The following HAVCR1 variants were observed in gnomAD, a reference collection of about 807,000 sequenced individuals.
HAVCR1 encodes the protein hepatitis A virus cellular receptor 1, also known as T cell immunoglobin domain and mucin domain protein 1.
A neutral mutation model predicts 32.0 loss-of-function variants in HAVCR1; 34 were observed. The ratio of observed to expected loss-of-function variants is 1.06; its 90% CI spans 0.81 to 1.42. HAVCR1 has a LOEUF of 1.42. HAVCR1 is among the 40% of genes most tolerant of loss of function. The pLI is 0.00. For missense variants in HAVCR1, 420 were observed against 442.3 expected (o/e 0.95, Z 0.45); for synonymous variants, 178 against 170.3 (o/e 1.05, Z -0.35).
the HAVCR1 span, among the ~76,000 whole-genome samples, chr5:157,065,550 C>T: frequency 1.3e-5 from 2 of 152,202 alleles, no homozygotes; most frequent in Admixed American, 1.3e-4. Context: ...GAAACACCAT[C>T]TCTACATAAG....
chr5:157,029,439 G>A lies in HAVCR1; in HGVS notation c.*294C>T, dbSNP rs1289991168. ...TCTCTTTGATGTATACAGGATTTATGGGGTCTAAAAAGAACATACAATTAT... is the reference window on the plus strand; with the variant it reads ...TCTCTTTGATGTATACAGGATTTATAGGGTCTAAAAAGAACATACAATTAT... On this transcript the variant is annotated 3_prime_UTR_variant, in exon 9 of 9. Transcript: ENST00000523175. 4 of 627,844 alleles carry A rather than the reference G, an allele frequency of 6.4e-6. No individual in the cohort carries two copies. Among genetic ancestry groups the A allele is most frequent in the Non-Finnish European group, 1.1e-5 (4 of 361,230 alleles). The allele number at this position is 627,844 out of a possible 1,614,324, so 38.9% of individuals were successfully genotyped here.
intron 6 of HAVCR1, among the ~76,000 whole-genome samples, chr5:157,038,209 G>A (rs139538276): frequency 2.8e-4 from 42 of 152,150 alleles, no homozygotes; most frequent in African/African-American, 9.6e-4. Context: ...ACAATTCAAC[G>A]CTATGCAATC....
rs1561591447 is a variant in HAVCR1, at chr5:157,044,643, AAGAAAG to A, written c.782-1967_782-1962del. Among the ~76,000 whole-genome samples the A allele has an allele frequency of 6.1e-3, 751 of 123,118 alleles. 35 individuals carry two copies. The highest frequency in any genetic ancestry group is 0.024 in the African/African-American group (717 of 29,548). The allele number at this position is 123,118 out of a possible 152,430, so 80.8% of individuals were successfully genotyped here. A position where few individuals can be genotyped will look rare whatever the true frequency, so the allele number is the denominator to read the frequency against. On this transcript the variant is annotated intron_variant, in intron 5 of 8. Coordinates refer to ENST00000523175, the MANE Select transcript of HAVCR1 (RefSeq NM_001173393.3). The stretch of plus-strand genomic sequence containing the variant: ...AAAGAAAGAAAGAAAGAAAGAAAGA[AAGAAAG>A]AAAGAAAGAAAGAAAGAAAGAAAGA...
chr5:157,060,993 G>A (rs1484233436), upstream of HAVCR1, among the ~76,000 whole-genome samples: 1 of 152,052 alleles, frequency 6.6e-6, no homozygotes. Flanking sequence ...CATCTCCTGG[G>A]TTTAAGTGAT....
chr5:157,061,916 T>C (rs761658494), upstream of HAVCR1, among the ~76,000 whole-genome samples: 2 of 152,136 alleles, frequency 1.3e-5, no homozygotes, highest in Non-Finnish European at 2.9e-5. Flanking sequence ...TCTGAGATGT[T>C]ACATAACTGT....
chr5:157,059,551 T>G (rs185370012), upstream of HAVCR1, among the ~76,000 whole-genome samples: 18 of 152,232 alleles, frequency 1.2e-4, no homozygotes, highest in East Asian at 3.5e-3. Context: ...GGCGGGCGCC[T>G]GTAATCCCAG....
In HAVCR1 at chr5:157,032,859, T is replaced by C. The variant is rs757686314; in HGVS notation, c.981A>G (p.Gln327=). Residue 327 remains glutamine, a synonymous_variant, in exon 8 of 9, where the codon CAA becomes CAG. Coordinates refer to ENST00000523175, the MANE Select transcript of HAVCR1 (RefSeq NM_001173393.3). ...AGAAATATTTTCGAGCTTACCTTAG[T>C]TGTTGAACCTCCTTTTTGAAGAAAT... The part of the protein sequence containing the change: ...KKYFFKKEVQ[Q]LSVSFSSLQI... 1 of 1,571,792 alleles carries C rather than the reference T, an allele frequency of 6.4e-7. No homozygotes were observed. The highest frequency in any genetic ancestry group is 8.7e-7 in the Non-Finnish European group (1 of 1,145,820).
intron 8 of HAVCR1, 132 bp downstream of exon 8, chr5:157,032,722 G>T (rs1241466019): frequency 1.5e-6 from 1 of 673,118 alleles, no homozygotes; most frequent in South Asian, 1.8e-5. Context: ...GTAAATAATA[G>T]AATTGCTCAT....
chr5:157,049,182 G>A (rs1241456172), intron 4 of HAVCR1, 37 bp from the exon 5 acceptor site: 1 of 1,256,696 alleles, frequency 8.0e-7, no homozygotes, highest in Non-Finnish European at 1.2e-6. Context: ...TTCCATTTGT[G>A]GAGGAAAATG....
intron 3 of HAVCR1, 114 bp downstream of exon 3, chr5:157,055,087 T>A: frequency 1.7e-6 from 1 of 595,322 alleles, no homozygotes; most frequent in Non-Finnish European, 3.0e-6. Context: ...AGAACAAGAG[T>A]TTATTTAAAA....
chr5:157,043,873 C>T (rs1422434548), intron 5 of HAVCR1, among the ~76,000 whole-genome samples: 1 of 152,182 alleles, frequency 6.6e-6, no homozygotes, highest in African/African-American at 2.4e-5. Flanking sequence ...CTGCTGATAA[C>T]CTACACAACA....
chr5:157,067,147 G>A, the HAVCR1 span, among the ~76,000 whole-genome samples: 2 of 152,206 alleles, frequency 1.3e-5, no homozygotes, highest in Non-Finnish European at 2.9e-5. Flanking sequence ...GAAGTAGGAG[G>A]TCATGTGGTT....
At chr5:157,044,459 GA>G (rs1491136366) in intron 5 of HAVCR1, among the ~76,000 whole-genome samples, 2 of 64,002 alleles carry the variant, frequency 3.1e-5, no homozygotes, top group African/African-American at 1.4e-4. Flanking sequence ...AAGAAAGAAA[GA>G]AAGAAAGAAA....
At chr5:157,044,425 A>AGGAAGGAAGGAAGG (rs1190584462) in intron 5 of HAVCR1, among the ~76,000 whole-genome samples, 1 of 18,952 alleles carries the variant, frequency 5.3e-5, no homozygotes, top group Admixed American at 7.2e-4. Context: ...AGGAAGGAGA[A>AGGAAGGAAGGAAGG]AGAAAGAAAG....
chr5:157,059,411 C>T (rs568698486), upstream of HAVCR1, among the ~76,000 whole-genome samples: 10 of 152,276 alleles, frequency 6.6e-5, no homozygotes, highest in East Asian at 1.2e-3. Flanking sequence ...CATGGTGGCT[C>T]GTGCCTGTAA....
chr5:157,044,803 A>G (rs1755278465), intron 5 of HAVCR1, among the ~76,000 whole-genome samples: 1 of 149,998 alleles, frequency 6.7e-6, no homozygotes, highest in South Asian at 2.2e-4. Context: ...CAGTTTCAGG[A>G]AGAGGATGGG....
rs1754606871 is a variant in HAVCR1 at position 157,037,444 on chromosome 5, C to T, written c.838-83G>A. ...CATTTCCCAGAATCACTTACCCAGC[C>T]ACATTTACCTGTATTGGTGCTTGGG... On this transcript the variant is annotated intron_variant, in intron 6 of 8. Coordinates refer to ENST00000523175, the MANE Select transcript of HAVCR1 (RefSeq NM_001173393.3). 4.3e-6 allele frequency: 3 copies of T among 703,930 alleles called. No homozygotes were observed. The Admixed American group carries it at 6.9e-5, about 16-fold the overall frequency. The allele number at this position is 703,930 out of a possible 1,614,324, so 43.6% of individuals were successfully genotyped here.
At chr5:157,036,133 A>G (rs1754513697) in intron 7 of HAVCR1, among the ~76,000 whole-genome samples, 1 of 152,028 alleles carries the variant, frequency 6.6e-6, no homozygotes, top group Admixed American at 6.6e-5. Flanking sequence ...ACCTGAGGTT[A>G]GGAGTTTGAG....
chr5:157,029,598 T>C lies in HAVCR1; in HGVS notation c.*135A>G. 6.5e-7 allele frequency: 1 copy of C among 1,540,298 alleles called. No individual in the cohort carries two copies. The highest frequency in any genetic ancestry group is 8.7e-7 in the Non-Finnish European group (1 of 1,146,986). ...AGTGAGAGAGTTACTCTACCCAGTA[T>C]CACTGACATGTTGGAATGCCAGATG... is the stretch of plus-strand genomic sequence containing the variant. On this transcript the variant is annotated 3_prime_UTR_variant, in exon 9 of 9. Transcript: ENST00000523175.
Sources: allele counts gnomAD v4.1 joint callset (sites outside exome capture counted in the v4.1 genomes callset), GRCh38; gene constraint gnomAD v4.1.1; transcripts MANE v1.5; gene names NCBI Gene and HGNC (gene_info 2026-07-23, HGNC 2026-07-21).